Variants in TNK2 observed in about 807,000 individuals in gnomAD.
The protein encoded by TNK2 is tyrosine kinase non receptor 2, also known as activated CDC42 kinase 1.
Under a neutral mutation model 101.8 loss-of-function variants are expected in TNK2, and 83 were observed. The ratio of observed to expected loss-of-function variants is 0.82; its 90% CI spans 0.68 to 0.98. The LOEUF (loss-of-function observed/expected upper bound fraction) is 0.98. Ranked by LOEUF, TNK2 falls within the 50% of genes least tolerant of loss-of-function variation. The pLI is 0.00. For synonymous variants in TNK2, 804 were observed against 633.0 expected (o/e 1.27, Z -4.06); for missense variants, 1,665 against 1,483.2 (o/e 1.12, Z -2.01).
intron 1 of TNK2, among the ~76,000 whole-genome samples, chr3:195,894,103 G>C (rs552774964): frequency 6.6e-6 from 1 of 152,176 alleles, no homozygotes; most frequent in African/African-American, 2.4e-5. Context: ...CCAAACCTTG[G>C]CTGACTGTGC....
intron 1 of TNK2, among the ~76,000 whole-genome samples, chr3:195,902,254 A>G (rs2149858457): frequency 6.6e-6 from 1 of 152,286 alleles, no homozygotes; most frequent in South Asian, 2.1e-4. Flanking sequence ...AGCCCCGGAA[A>G]CCTCTGGAAG....
chr3:195,879,140 G>A lies in TNK2; in HGVS notation c.923C>T (p.Ser308Phe). The change falls in exon 7 of 16, where the codon TCC becomes TTC. Residue 308 changes from serine (S) to phenylalanine (F), a missense_variant. Physicochemically the swap from Ser to Phe is radical, Grantham distance 155. This residue lies in a region of TNK2 where 490 missense variants were observed against 522.5 expected (regional missense o/e 0.94). Transcript: ENST00000672887. Reference sequence around the variant, plus strand: ...GAACATCCAGGTGTCGCTGGCATGGGAGAAGGTGCGTGTCTTCAGGCTCTC... The same window carrying A: ...GAACATCCAGGTGTCGCTGGCATGGAAGAAGGTGCGTGTCTTCAGGCTCTC... ...APESLKTRTF[S>F]HASDTWMFGV... 7 of 1,613,842 alleles carry A rather than the reference G, an allele frequency of 4.3e-6. No individual in the cohort carries two copies. The highest frequency in any genetic ancestry group is 2.2e-5 in the South Asian group (2 of 91,084).
At chr3:195,883,609 G>A (rs1162779711) in intron 4 of TNK2, 1 of 291,336 alleles carries the variant, frequency 3.4e-6, no homozygotes, top group Non-Finnish European at 6.7e-6. Context: ...ATATTCAAAT[G>A]TTATAAAATG....
At chr3:195,883,027 A>T in intron 5 of TNK2, 130 bp downstream of exon 5, 1 of 1,102,706 alleles carries the variant, frequency 9.1e-7, no homozygotes, top group African/African-American at 1.6e-5. Context: ...GGACCCCTTT[A>T]CTCCATCAGG....
chr3:195,885,890 G>T lies in TNK2; in HGVS notation c.235-857C>A. On this transcript the variant is annotated intron_variant, in intron 3 of 15. Transcript: ENST00000672887. The surrounding 1 kb of genome is among the most constrained non-coding windows in gnomAD (Gnocchi z 4.7). ...CCCCAGAGCTGGTGGATCCTTATCC[G>T]TCTGGGCTAGGGTGCCTCAAATCTG... The T allele has an allele frequency of 6.7e-6, 2 of 297,886 alleles. No individual in the cohort carries two copies. Among genetic ancestry groups the T allele is most frequent in the South Asian group, 5.9e-5 (2 of 34,044 alleles). The allele number at this position is 297,886 out of a possible 1,614,324, so 18.5% of individuals were successfully genotyped here. A position where few individuals can be genotyped will look rare whatever the true frequency, so the allele number is the denominator to read the frequency against.
At position 195,888,497 on chromosome 3, in the gene TNK2, T is replaced by G. The variant is rs756816319; in HGVS notation, c.92A>C (p.Asn31Thr). The G allele has an allele frequency of 1.2e-6, 2 of 1,613,904 alleles. No individual in the cohort carries two copies. The highest frequency in any genetic ancestry group is 1.7e-4 in the Middle Eastern group (1 of 5,966). ...CTCAAAGTGGGACAGGCGGGTGACG[T>G]TGAGGTCATCTCGGAGCCGCAGGAA... ...QYFLRLRDDL[N>T]VTRLSHFEYV... Residue 31 changes from asparagine (N) to threonine (T), a missense_variant, in exon 2 of 16, where the codon AAC becomes ACC. Asn to Thr is a moderately conservative substitution (Grantham distance 65, BLOSUM62 0). Coordinates refer to ENST00000672887, the MANE Select transcript of TNK2 (RefSeq NM_001382273.1). This position sits in a 1 kb window ranked among gnomAD's most constrained non-coding sequence, Gnocchi z 5.3.
chr3:195,895,180 C>T (rs1760082301), intron 1 of TNK2: 3 of 1,413,484 alleles, frequency 2.1e-6, no homozygotes, highest in Non-Finnish European at 1.9e-6. Context: ...GGGCTGAGCC[C>T]GGCTCACAGC....
At chr3:195,871,347 TG>T (rs1745195415) in intron 10 of TNK2, among the ~76,000 whole-genome samples, 1 of 152,102 alleles carries the variant, frequency 6.6e-6, no homozygotes, top group South Asian at 2.1e-4. Flanking sequence ...GAGGCGGAGC[TG>T]CCACCTAACG....
chr3:195,870,139 G>A lies in TNK2; in HGVS notation c.1518C>T (p.Pro506=), dbSNP rs763827334. 1.8e-5 allele frequency: 26 copies of A among 1,474,220 alleles called. No individual in the cohort carries two copies. Among genetic ancestry groups the A allele is most frequent in the East Asian group, 2.5e-5 (1 of 40,714 alleles). 91.3% of individuals were successfully genotyped at this position (1,474,220 alleles called of 1,614,324 possible). A position where few individuals can be genotyped will look rare whatever the true frequency, so the allele number is the denominator to read the frequency against. ...LLSVELSTSR[P]PQHLGGVKRE... is the part of the protein sequence containing the mutation. ...TTTTCACCCCTCCTAGATGCTGGGG[G>A]GGCCGGGAGGTGCTCAGTTCCACGC... Residue 506 remains proline (P), a synonymous_variant, in exon 11 of 16, where the codon CCC becomes CCT. Transcript: ENST00000672887.
chr3:195,892,499 C>CGGGACCCCCCCGAGCAGT lies in TNK2; in HGVS notation c.-18-3911_-18-3894dup, dbSNP rs1172334323. On this transcript the variant is annotated intron_variant, in intron 1 of 15. Coordinates refer to ENST00000672887, the MANE Select transcript of TNK2 (RefSeq NM_001382273.1). Reference sequence around the variant, plus strand: ...ACGTGCTGCCGGCATCTCCACGCAGCGGGACCCCCCCGAGCAGTCACTGGG... The same window carrying CGGGACCCCCCCGAGCAGT: ...ACGTGCTGCCGGCATCTCCACGCAGCGGGACCCCCCCGAGCAGTGGGACCCCCCCGAGCAGTCACTGGG... The CGGGACCCCCCCGAGCAGT allele has an allele frequency of 3.3e-6, 5 of 1,534,976 alleles. No individual in the cohort carries two copies. In the African/African-American group the frequency reaches 6.8e-5, roughly 21 times the overall value.
intron 1 of TNK2, among the ~76,000 whole-genome samples, chr3:195,897,593 G>A (rs530674725): frequency 1.3e-5 from 2 of 152,176 alleles, no homozygotes; most frequent in South Asian, 2.1e-4. Flanking sequence ...CCTCTGCCTC[G>A]CAGGCTCAAG....
chr3:195,886,974 C>A lies in TNK2; in HGVS notation c.234+3G>T. On this transcript the variant is annotated splice_donor_region_variant and intron_variant, in intron 3 of 15. Coordinates refer to ENST00000672887, the MANE Select transcript of TNK2 (RefSeq NM_001382273.1). This position sits in a 1 kb window ranked among gnomAD's most constrained non-coding sequence, Gnocchi z 4.2. ...CCACCTCCTCACCCACCTCCTCACC[C>A]ACCTTACTCATCCACGACTTGCGTT... The A allele has an allele frequency of 6.2e-7, 1 of 1,614,206 alleles. No individual in the cohort carries two copies.
intron 1 of TNK2, among the ~76,000 whole-genome samples, chr3:195,898,988 C>T (rs1478316817): frequency 6.6e-6 from 1 of 151,100 alleles, no homozygotes; most frequent in African/African-American, 2.4e-5. Flanking sequence ...CCCAGCTACT[C>T]GGGAGGCTGA....
Position 195,867,435 on chromosome 3 carries a change from T to C in TNK2, c.2863A>G (p.Thr955Ala), listed in dbSNP as rs1260343240. 6.3e-7 allele frequency: 1 copy of C among 1,598,766 alleles called. No homozygotes were observed. The highest frequency in any genetic ancestry group is 1.1e-5 in the South Asian group (1 of 90,276). The change falls in exon 13 of 16, where the codon ACT becomes GCT. Residue 955 changes from threonine (T) to alanine (A), a missense_variant. This residue lies in a region of TNK2 where 1,136 missense variants were observed against 894.9 expected (regional missense o/e 1.27). Coordinates refer to ENST00000672887, the MANE Select transcript of TNK2 (RefSeq NM_001382273.1). ...CAGCCCCTCTGTGGCAGCCGAGCAG[T>C]GGCCCTCGGGGGTGGTGGCCGGGCC... ...PGARPPPPRA[T>A]ARLPQRGCPG...
intron 2 of TNK2, 116 bp from the exon 3 acceptor site, chr3:195,887,163 G>T (rs1756053885): frequency 9.9e-7 from 1 of 1,008,516 alleles, no homozygotes; most frequent in African/African-American, 1.6e-5. Context: ...CCCGATGATA[G>T]CAATGAAATC....
intron 1 of TNK2, chr3:195,895,336 A>T (rs770111358): frequency 3.2e-6 from 5 of 1,569,450 alleles, no homozygotes; most frequent in Admixed American, 1.8e-5. Context: ...TCAGGGAGAG[A>T]AGCAGCGCCC....
intron 12 of TNK2, 46 bp downstream of exon 12, chr3:195,869,451 A>C: frequency 5.5e-6 from 8 of 1,466,148 alleles, no homozygotes; most frequent in Non-Finnish European, 7.3e-6. Context: ...AGTGAGAGAG[A>C]GGGGGCGGGG....
At chr3:195,902,518 T>A (rs561910271) in intron 1 of TNK2, among the ~76,000 whole-genome samples, 97 of 150,096 alleles carry the variant, frequency 6.5e-4, no homozygotes, top group African/African-American at 2.1e-3. Flanking sequence ...CTCAGGAGGC[T>A]GAGGCAGGAC....
In TNK2 at chr3:195,886,812, G is replaced by C. The variant is rs1755805159; in HGVS notation, c.234+165C>G. Among the ~76,000 whole-genome samples the C allele has an allele frequency of 6.6e-6, 1 of 152,164 alleles. No homozygotes were observed. The highest frequency in any genetic ancestry group is 2.4e-5 in the African/African-American group (1 of 41,436). ...GACACTTAGCCCAGCAGCTCTACAAGTGCCCTGCCCGATAAGACCCTGGAC... is the reference window on the plus strand; with the variant it reads ...GACACTTAGCCCAGCAGCTCTACAACTGCCCTGCCCGATAAGACCCTGGAC... On this transcript the variant is annotated intron_variant, in intron 3 of 15. Transcript: ENST00000672887. The surrounding 1 kb of genome is among the most constrained non-coding windows in gnomAD (Gnocchi z 4.2).
Sources: gnomAD v4.1 joint callset for allele counts (sites outside exome capture counted in the v4.1 genomes callset) on GRCh38, gnomAD v4.1.1 for gene constraint, gnomAD v4.1.1 regional missense constraint, Gnocchi (gnomAD v3.1) non-coding constraint, MANE v1.5 for transcripts, NCBI Gene and HGNC (gene_info 2026-07-23, HGNC 2026-07-21) for gene names.